FAM81A: variants seen among roughly 807,000 people sequenced by gnomAD.
FAM81A encodes protein FAM81A.
In FAM81A, 19 loss-of-function variants were observed where a neutral mutation model predicts 46.7. The observed-to-expected ratio is 0.41, with a 90% CI of 0.28 to 0.60. The LOEUF is 0.60. FAM81A is among the 20% of genes least tolerant of loss of function. The pLI is 0.34. For missense variants in FAM81A, 377 were observed against 453.5 expected (o/e 0.83, Z 1.53); for synonymous variants, 183 against 152.9 (o/e 1.20, Z -1.45).
At chr15:59,470,675 G>A (rs1403100312) in intron 3 of FAM81A, among the ~76,000 whole-genome samples, 3 of 152,054 alleles carry the variant, frequency 2.0e-5, no homozygotes, top group Admixed American at 1.3e-4. Flanking sequence ...AGAGAACTTT[G>A]TTATTACTGA....
intron 3 of FAM81A, among the ~76,000 whole-genome samples, chr15:59,484,401 G>A (rs1451803468): frequency 6.6e-6 from 1 of 152,116 alleles, no homozygotes. Flanking sequence ...GAACCAAAAA[G>A]CAGGTAAGCG....
At chr15:59,441,239 C>T (rs1022510376) in intron 1 of FAM81A, among the ~76,000 whole-genome samples, 2 of 152,198 alleles carry the variant, frequency 1.3e-5, no homozygotes, top group Non-Finnish European at 1.5e-5. Flanking sequence ...TACTCTGCCC[C>T]AACCCTTACT....
intron 1 of FAM81A, among the ~76,000 whole-genome samples, chr15:59,455,908 A>G (rs145578127): frequency 6.8e-4 from 103 of 152,298 alleles, no homozygotes; most frequent in African/African-American, 2.3e-3. Flanking sequence ...TTATATCTTT[A>G]TTGCTGCAGT....
intron 1 of FAM81A, among the ~76,000 whole-genome samples, chr15:59,446,865 T>G (rs1000369574): frequency 1.3e-5 from 2 of 152,130 alleles, no homozygotes; most frequent in African/African-American, 4.8e-5. Context: ...AAGTAAAAAT[T>G]GATAGCAAAC....
At chr15:59,509,045 C>G in intron 6 of FAM81A, 76 bp downstream of exon 6, 2 of 1,167,180 alleles carry the variant, frequency 1.7e-6, no homozygotes, top group African/African-American at 1.6e-5. Context: ...TTTTTTTCCT[C>G]TTGGTTTTTA....
intron 8 of FAM81A, among the ~76,000 whole-genome samples, chr15:59,518,943 C>CTGTGTGTGTG (rs34494392): frequency 7.0e-6 from 1 of 143,060 alleles, no homozygotes; most frequent in African/African-American, 2.6e-5. Flanking sequence ...GTGTGTGTGT[C>CTGTGTGTGTG]TGTGTGTGTG....
At position 59,502,692 on chromosome 15, in the gene FAM81A, T is replaced by C. The variant is rs145497724; in HGVS notation, c.414-4521T>C. On this transcript the variant is annotated intron_variant, in intron 4 of 8. Transcript: ENST00000288228. ...CCACGCCCGGCTAATTTTTGTATTTTTTATTTTTTAGTAGAGACGGGGTTT... is the reference window on the plus strand; with the variant it reads ...CCACGCCCGGCTAATTTTTGTATTTCTTATTTTTTAGTAGAGACGGGGTTT... Among the ~76,000 whole-genome samples the C allele has an allele frequency of 2.5e-3, 375 of 152,058 alleles. 2 individuals carry two copies. The highest frequency in any genetic ancestry group is 8.5e-3 in the African/African-American group (351 of 41,490).
intron 1 of FAM81A, chr15:59,445,488 T>C (rs1290702614): frequency 6.6e-6 from 1 of 152,174 alleles, no homozygotes; most frequent in Non-Finnish European, 1.5e-5. Context: ...AGTCCTCCCC[T>C]GCTCCTAAAA....
Position 59,523,258 on chromosome 15 carries a change from T to A in FAM81A, c.*1880T>A, listed in dbSNP as rs1385146599. 1 of 152,254 alleles carries A rather than the reference T, an allele frequency of 6.6e-6. No individual in the cohort carries two copies. The highest frequency in any genetic ancestry group is 1.5e-5 in the Non-Finnish European group (1 of 68,068). The allele number at this position is 152,254 out of a possible 1,614,324, so 9.4% of individuals were successfully genotyped here. ...TTCTGACATTGCCAGCCCCTTGAGA[T>A]GAGCCACCGCAGGTGTGCTCACCTT... On this transcript the variant is annotated 3_prime_UTR_variant, in exon 9 of 9. Transcript: ENST00000288228.
intron 4 of FAM81A, among the ~76,000 whole-genome samples, chr15:59,494,365 A>T (rs572120218): frequency 1.3e-5 from 2 of 152,290 alleles, no homozygotes; most frequent in African/African-American, 4.8e-5. Flanking sequence ...GGGAGAATAC[A>T]TGTGAGAGGC....
At chr15:59,418,099 A>G (rs1203457721) in intron 2 of FAM81A, among the ~76,000 whole-genome samples, 1 of 152,190 alleles carries the variant, frequency 6.6e-6, no homozygotes, top group Non-Finnish European at 1.5e-5. Flanking sequence ...AAGGATATGA[A>G]CTCATCCTTT....
chr15:59,435,360 C>T (rs2081238714), upstream of FAM81A, among the ~76,000 whole-genome samples: 1 of 152,206 alleles, frequency 6.6e-6, no homozygotes, highest in Non-Finnish European at 1.5e-5. Flanking sequence ...TGGTTCACAC[C>T]TGTAATCCCA....
chr15:59,502,159 C>A (rs1033746603), intron 4 of FAM81A, among the ~76,000 whole-genome samples: 3 of 149,178 alleles, frequency 2.0e-5, no homozygotes, highest in Non-Finnish European at 3.0e-5. Flanking sequence ...TTATTTTTTT[C>A]TTTTTCTTTT....
intron 2 of FAM81A, among the ~76,000 whole-genome samples, chr15:59,403,355 C>T (rs1567034820): frequency 2.6e-5 from 4 of 152,076 alleles, no homozygotes; most frequent in Non-Finnish European, 5.9e-5. Flanking sequence ...AACTTGTGTT[C>T]TTAAAAGAAG....
At chr15:59,463,231 T>A (rs750265439) in intron 3 of FAM81A, among the ~76,000 whole-genome samples, 9 of 152,182 alleles carry the variant, frequency 5.9e-5, no homozygotes, top group Non-Finnish European at 1.2e-4. Flanking sequence ...TTCATCTCGC[T>A]ATCTTAGGAA....
At chr15:59,456,890 T>C (rs2141632095) in intron 1 of FAM81A, among the ~76,000 whole-genome samples, 1 of 152,302 alleles carries the variant, frequency 6.6e-6, no homozygotes. Flanking sequence ...CCCATTGTTT[T>C]CTGGTTGGTT....
chr15:59,478,574 A>G (rs1280625970), intron 3 of FAM81A, among the ~76,000 whole-genome samples: 1 of 152,178 alleles, frequency 6.6e-6, no homozygotes, highest in African/African-American at 2.4e-5. Flanking sequence ...AGGGAATTTC[A>G]GCCTGCAGCT....
At chr15:59,501,401 A>G (rs2082089158) in intron 4 of FAM81A, among the ~76,000 whole-genome samples, 1 of 152,208 alleles carries the variant, frequency 6.6e-6, no homozygotes, top group Admixed American at 6.5e-5. Flanking sequence ...GCCCTGGGAC[A>G]TAAATTGTCG....
chr15:59,443,118 G>A (rs561083022), intron 1 of FAM81A, among the ~76,000 whole-genome samples: 2 of 152,202 alleles, frequency 1.3e-5, no homozygotes, highest in East Asian at 1.9e-4. Flanking sequence ...AGTCTTGCTC[G>A]GTTGCCCAGG....
Sources: allele counts gnomAD v4.1 joint callset (sites outside exome capture counted in the v4.1 genomes callset), GRCh38; gene constraint gnomAD v4.1.1; transcripts MANE v1.5; gene names NCBI Gene and HGNC (gene_info 2026-07-23, HGNC 2026-07-21).